The following GOLM1 variants were observed in gnomAD, a reference collection of about 807,000 sequenced individuals.
The protein encoded by GOLM1 is epididymis luminal protein 46.
A neutral mutation model predicts 50.5 loss-of-function variants in GOLM1; 31 were observed. The observed-to-expected ratio is 0.61, with a 90% CI of 0.46 to 0.83. The LOEUF is 0.83. GOLM1 is among the 40% of genes least tolerant of loss of function. The pLI is 0.00. For missense variants in GOLM1, 491 were observed against 501.3 expected (o/e 0.98, Z 0.20); for synonymous variants, 178 against 192.8 (o/e 0.92, Z 0.64).
intron 1 of GOLM1, chr9:86,080,017 CG>C (rs1391142408): frequency 6.6e-6 from 1 of 152,158 alleles, no homozygotes; most frequent in East Asian, 1.9e-4. Flanking sequence ...TGACACACAA[CG>C]GAAGTGGGAG....
At chr9:86,060,027 T>C (rs930391951) in intron 3 of GOLM1, among the ~76,000 whole-genome samples, 1 of 152,076 alleles carries the variant, frequency 6.6e-6, no homozygotes, top group East Asian at 1.9e-4. Flanking sequence ...TTGTATGTTA[T>C]GTGAATTTTA....
rs557731305 is a variant in GOLM1 at position 86,085,446 on chromosome 9, A to G, written c.-21-6105T>C. On this transcript the variant is annotated intron_variant, in intron 1 of 9. Transcript: ENST00000388712. ...TTTACTTTACAGAAATTTTGCCCAA[A>G]GTTTTTGTTTTTTTTTTTTTTTTTG... Among the ~76,000 whole-genome samples the G allele has an allele frequency of 5.2e-3, 458 of 87,990 alleles. 2 individuals carry two copies. The highest frequency in any genetic ancestry group is 0.023 in the African/African-American group (365 of 16,020). The allele number at this position is 87,990 out of a possible 152,430, so 57.7% of individuals were successfully genotyped here. A position where few individuals can be genotyped will look rare whatever the true frequency, so the allele number is the denominator to read the frequency against.
chr9:86,086,383 TTACAAAAG>T (rs1834962421), intron 1 of GOLM1, among the ~76,000 whole-genome samples: 1 of 152,214 alleles, frequency 6.6e-6, no homozygotes, highest in Non-Finnish European at 1.5e-5. Context: ...GATGGACAGA[TTACAAAAG>T]TTTTCTCCTA....
intron 1 of GOLM1, among the ~76,000 whole-genome samples, chr9:86,088,445 T>TTTAGG (rs1288860095): frequency 7.7e-6 from 1 of 129,070 alleles, no homozygotes; most frequent in African/African-American, 3.0e-5. Context: ...TATATATATA[T>TTTAGG]ATATATATAT....
At chr9:86,057,064 G>A (rs1488794541) in intron 3 of GOLM1, among the ~76,000 whole-genome samples, 1 of 152,150 alleles carries the variant, frequency 6.6e-6, no homozygotes, top group Non-Finnish European at 1.5e-5. Context: ...AGGGGTAGCT[G>A]TACTTCCTGG....
At chr9:86,036,586 G>GAATCCCACC (rs1833154666) in intron 6 of GOLM1, 79 bp from the exon 7 acceptor site, 5 of 1,428,586 alleles carry the variant, frequency 3.5e-6, no homozygotes, top group Non-Finnish European at 2.9e-6. Flanking sequence ...CCAATGCAAT[G>GAATCCCACC]AATCCCACCA....
At chr9:86,052,945 C>G (rs1203141593) in intron 3 of GOLM1, among the ~76,000 whole-genome samples, 1 of 91,700 alleles carries the variant, frequency 1.1e-5, no homozygotes, top group Non-Finnish European at 2.3e-5. Flanking sequence ...AGCAACCTCA[C>G]ACCGCACCAC....
intron 1 of GOLM1, chr9:86,079,555 C>T: frequency 2.6e-6 from 1 of 388,414 alleles, no homozygotes; most frequent in Non-Finnish European, 4.5e-6. Context: ...GTGGCCAGTT[C>T]CCAGGACAGG....
chr9:86,066,637 G>A (rs1834314853), intron 3 of GOLM1, among the ~76,000 whole-genome samples: 2 of 152,190 alleles, frequency 1.3e-5, no homozygotes, highest in African/African-American at 4.8e-5. Flanking sequence ...AAATGTCAAA[G>A]TGGATGTGCA....
At chr9:86,096,651 G>A (rs1835363646) in intron 1 of GOLM1, among the ~76,000 whole-genome samples, 1 of 152,186 alleles carries the variant, frequency 6.6e-6, no homozygotes, top group South Asian at 2.1e-4. Flanking sequence ...CTATGCTGAT[G>A]TAATCAGATC....
chr9:86,076,747 C>T (rs1026911032), intron 3 of GOLM1, among the ~76,000 whole-genome samples: 23 of 151,540 alleles, frequency 1.5e-4, no homozygotes, highest in African/African-American at 3.4e-4. Flanking sequence ...CACCTGTAAT[C>T]GCAGCTACTC....
intron 3 of GOLM1, among the ~76,000 whole-genome samples, chr9:86,052,850 C>T (rs1294131789): frequency 1.6e-5 from 2 of 126,664 alleles, no homozygotes; most frequent in South Asian, 2.4e-4. Flanking sequence ...GCCCAGGAAA[C>T]GCTGCTCCTC....
chr9:86,053,590 AC>A (rs1182521852), intron 3 of GOLM1, among the ~76,000 whole-genome samples: 8 of 1,192 alleles, frequency 6.7e-3, no homozygotes, highest in Non-Finnish European at 0.016. Flanking sequence ...CACACACCAC[AC>A]CACTCCACAC....
rs1251511625 is a variant in GOLM1 at position 86,053,255 on chromosome 9, ACAC to A, written c.310-667_310-665del. ...CACACATACCACGCCATATGACTCC[ACAC>A]CACAACGCCAGACCACACCACACAC... On this transcript the variant is annotated intron_variant, in intron 3 of 9. Transcript: ENST00000388712. Among the ~76,000 whole-genome samples, 107 of 125,102 alleles carry A rather than the reference ACAC, an allele frequency of 8.6e-4. 1 individual carries two copies. The highest frequency in any genetic ancestry group is 2.3e-3 in the Admixed American group (28 of 12,238). The allele number at this position is 125,102 out of a possible 152,430, so 82.1% of individuals were successfully genotyped here.
Position 86,026,534 on chromosome 9 carries a change from C to G in GOLM1, c.*1283G>C. 1 of 897,566 alleles carries G rather than the reference C, an allele frequency of 1.1e-6. No individual in the cohort carries two copies. The highest frequency in any genetic ancestry group is 5.8e-4 in the Middle Eastern group (1 of 1,710). 55.6% of individuals were successfully genotyped at this position (897,566 alleles called of 1,614,324 possible). A position where few individuals can be genotyped will look rare whatever the true frequency, so the allele number is the denominator to read the frequency against. On this transcript the variant is annotated 3_prime_UTR_variant, in exon 10 of 10. Coordinates refer to ENST00000388712, the MANE Select transcript of GOLM1 (RefSeq NM_016548.4). ...TAACTTCTAGGCCCCATTTTCCCCT[C>G]TGAAAATAAGAGGGTTGGATCAAAC...
intron 3 of GOLM1, among the ~76,000 whole-genome samples, chr9:86,055,922 C>T (rs552394052): frequency 9.2e-5 from 14 of 152,174 alleles, no homozygotes; most frequent in East Asian, 1.9e-4. Flanking sequence ...CACCTTGCAT[C>T]GGTGTGAAAA....
chr9:86,066,339 TG>T (rs1834307573), intron 3 of GOLM1, among the ~76,000 whole-genome samples: 1 of 152,140 alleles, frequency 6.6e-6, no homozygotes, highest in Non-Finnish European at 1.5e-5. Context: ...TGAAACCACC[TG>T]GACATGGGTA....
chr9:86,073,908 G>C (rs1032344085), intron 3 of GOLM1, among the ~76,000 whole-genome samples: 3 of 152,174 alleles, frequency 2.0e-5, no homozygotes, highest in Non-Finnish European at 2.9e-5. Flanking sequence ...AATTCTATCA[G>C]ACAGGGCCTA....
At chr9:86,098,034 T>A (rs1249064809) in intron 1 of GOLM1, among the ~76,000 whole-genome samples, 2 of 152,172 alleles carry the variant, frequency 1.3e-5, no homozygotes, top group Non-Finnish European at 2.9e-5. Flanking sequence ...TCAGCACTAC[T>A]TTCCTCTCAT....
Sources: gnomAD v4.1 joint callset for allele counts (sites outside exome capture counted in the v4.1 genomes callset) on GRCh38, gnomAD v4.1.1 for gene constraint, MANE v1.5 for transcripts, NCBI Gene and HGNC (gene_info 2026-07-23, HGNC 2026-07-21) for gene names.